Variants in CTNNA2 observed in about 807,000 individuals in gnomAD.
The protein encoded by CTNNA2 is catenin alpha-2.
In CTNNA2, 42 loss-of-function variants were observed where a neutral mutation model predicts 101.0. The observed-to-expected ratio is 0.42, with a 90% confidence interval of 0.32 to 0.54. The LOEUF is 0.54. Ranked by LOEUF, CTNNA2 falls within the 20% of genes least tolerant of loss-of-function variation. The pLI is 0.14. For missense variants in CTNNA2, 871 were observed against 1,223.1 expected (o/e 0.71, Z 4.29); for synonymous variants, 450 against 456.4 (o/e 0.99, Z 0.18).
At chr2:80,502,321 T>C (rs913966311) in intron 9 of CTNNA2, among the ~76,000 whole-genome samples, 1 of 152,204 alleles carries the variant, frequency 6.6e-6, no homozygotes, top group South Asian at 2.1e-4. Context: ...TTTCAAATGA[T>C]TCCTGGCAAC....
intron 2 of CTNNA2, among the ~76,000 whole-genome samples, chr2:79,730,555 C>G (rs542184074): frequency 6.6e-6 from 1 of 151,660 alleles, no homozygotes; most frequent in Non-Finnish European, 1.5e-5. Flanking sequence ...TGGTTTTATT[C>G]CAAGAAATGC....
chr2:80,426,876 A>G (rs1440300442), intron 9 of CTNNA2, among the ~76,000 whole-genome samples: 3 of 151,762 alleles, frequency 2.0e-5, no homozygotes, highest in South Asian at 2.1e-4. Flanking sequence ...CCTTTCCTCT[A>G]GTTTCTAGGC....
intron 1 of CTNNA2, among the ~76,000 whole-genome samples, chr2:79,566,691 G>A (rs1015780018): frequency 9.2e-5 from 14 of 152,054 alleles, no homozygotes; most frequent in African/African-American, 3.1e-4. Context: ...ATGAAAAAAT[G>A]TAACTGGAAA....
At chr2:79,805,030 T>C (rs976003740) in intron 3 of CTNNA2, among the ~76,000 whole-genome samples, 2 of 152,218 alleles carry the variant, frequency 1.3e-5, no homozygotes, top group East Asian at 3.9e-4. Context: ...ATAGGAAGGC[T>C]TGTGGGAAGT....
intron 4 of CTNNA2, among the ~76,000 whole-genome samples, chr2:79,481,853 G>C (rs1671113429): frequency 6.6e-6 from 1 of 152,170 alleles, no homozygotes; most frequent in Non-Finnish European, 1.5e-5. Context: ...TTCAACTCCA[G>C]AGTGGAGTCT....
At chr2:79,813,572 G>A (rs1318291407) in intron 3 of CTNNA2, among the ~76,000 whole-genome samples, 1 of 152,146 alleles carries the variant, frequency 6.6e-6, no homozygotes, top group South Asian at 2.1e-4. Context: ...TTCAATTTGG[G>A]ATGTGTGAGT....
chr2:79,408,907 G>A (rs1678373925), intron 4 of CTNNA2, among the ~76,000 whole-genome samples: 1 of 150,280 alleles, frequency 6.7e-6, no homozygotes, highest in South Asian at 2.2e-4. Flanking sequence ...CTAGTTTACA[G>A]TCCCACCAAC....
intron 2 of CTNNA2, among the ~76,000 whole-genome samples, chr2:79,252,737 G>C (rs1674789216): frequency 6.6e-6 from 1 of 151,654 alleles, no homozygotes; most frequent in African/African-American, 2.4e-5. Flanking sequence ...TGATAAGTTT[G>C]TAATGCATTT....
chr2:80,133,128 C>T (rs768472890), intron 7 of CTNNA2, among the ~76,000 whole-genome samples: 8 of 152,066 alleles, frequency 5.3e-5, no homozygotes, highest in Middle Eastern at 3.2e-3. Context: ...ACAAGGAGGA[C>T]GCCATGTGAA....
chr2:79,277,328 G>A (rs966290841), intron 2 of CTNNA2, among the ~76,000 whole-genome samples: 12 of 151,890 alleles, frequency 7.9e-5, no homozygotes, highest in African/African-American at 1.2e-4. Context: ...GAATCCACAC[G>A]GCTGATCGAA....
intron 7 of CTNNA2, among the ~76,000 whole-genome samples, chr2:80,336,565 T>C (rs1013946526): frequency 6.6e-6 from 1 of 152,228 alleles, no homozygotes; most frequent in African/African-American, 2.4e-5. Context: ...AGGTAAAATT[T>C]ATACACAATG....
At chr2:79,185,932 A>G (rs1673773769) in intron 1 of CTNNA2, among the ~76,000 whole-genome samples, 1 of 152,168 alleles carries the variant, frequency 6.6e-6, no homozygotes, top group African/African-American at 2.4e-5. Context: ...ATTGTCAGAT[A>G]TATGTTTTTT....
intron 7 of CTNNA2, among the ~76,000 whole-genome samples, chr2:80,360,904 GATT>G (rs1453903801): frequency 2.6e-5 from 4 of 151,662 alleles, no homozygotes; most frequent in Admixed American, 1.3e-4. Flanking sequence ...ACTTGCTATT[GATT>G]ATTATTAATT....
At chr2:79,656,813 C>T (rs1681642512) in intron 2 of CTNNA2, among the ~76,000 whole-genome samples, 2 of 151,628 alleles carry the variant, frequency 1.3e-5, no homozygotes, top group Non-Finnish European at 2.9e-5. Context: ...AAAACTAACA[C>T]AATTTATTAG....
At chr2:80,294,340 C>T (rs983915157) in intron 7 of CTNNA2, among the ~76,000 whole-genome samples, 4 of 152,062 alleles carry the variant, frequency 2.6e-5, no homozygotes, top group African/African-American at 7.3e-5. Flanking sequence ...CTAAGTACAC[C>T]GATGCTTGCA....
chr2:80,528,234 C>T (rs530923501), intron 9 of CTNNA2, among the ~76,000 whole-genome samples: 6 of 152,270 alleles, frequency 3.9e-5, no homozygotes, highest in East Asian at 1.9e-4. Context: ...CTCGCTCAGT[C>T]GCCTAGGCTG....
intron 18 of CTNNA2, among the ~76,000 whole-genome samples, chr2:80,625,677 G>A (rs1247960547): frequency 6.6e-6 from 1 of 151,954 alleles, no homozygotes; most frequent in Non-Finnish European, 1.5e-5. Flanking sequence ...TAACACATTA[G>A]CTTCTTTATC....
At chr2:80,034,491 C>CTACA (rs1351664218) in intron 7 of CTNNA2, among the ~76,000 whole-genome samples, 2 of 151,584 alleles carry the variant, frequency 1.3e-5, no homozygotes, top group East Asian at 3.9e-4. Flanking sequence ...GTAGCTGGGA[C>CTACA]TACAGGCAAC....
chr2:79,267,491 C>T (rs1675001527), intron 2 of CTNNA2, among the ~76,000 whole-genome samples: 1 of 152,014 alleles, frequency 6.6e-6, no homozygotes, highest in African/African-American at 2.4e-5. Context: ...TACGAAAGGC[C>T]CCACCTCCCA....
Sources: gnomAD v4.1 joint callset for allele counts (sites outside exome capture counted in the v4.1 genomes callset) on GRCh38, gnomAD v4.1.1 for gene constraint, MANE v1.5 for transcripts, NCBI Gene and HGNC (gene_info 2026-07-23, HGNC 2026-07-21) for gene names.